Variants in BLTP3A observed in about 807,000 individuals in gnomAD.
The protein encoded by BLTP3A is ICBP90 binding protein 1.
chr6:34,808,346 CAAAAAAAAAA>C, the BLTP3A span, among the ~76,000 whole-genome samples: 2 of 26,720 alleles, frequency 7.5e-5, no homozygotes, highest in Admixed American at 5.4e-4. Flanking sequence ...AACTCCGTCT[CAAAAAAAAAA>C]AAAAAAAAAA....
chr6:34,816,546 G>A, the BLTP3A span, among the ~76,000 whole-genome samples: 32 of 152,296 alleles, frequency 2.1e-4, no homozygotes, highest in Middle Eastern at 3.4e-3. Flanking sequence ...CCAGGAGGTC[G>A]AGGCTGCAGT....
chr6:34,821,827 GGT>G, the BLTP3A span: 1 of 1,614,030 alleles, frequency 6.2e-7, no homozygotes, highest in East Asian at 2.2e-5. Context: ...TGAGAATGAG[GGT>G]CAGAATGCTG....
the BLTP3A span, among the ~76,000 whole-genome samples, chr6:34,853,637 T>C: frequency 9.2e-5 from 14 of 152,190 alleles, no homozygotes; most frequent in African/African-American, 3.1e-4. Context: ...CTCAGCTCAC[T>C]GCAACCTCTG....
chr6:34,857,965 A>G, the BLTP3A span: 1 of 1,592,220 alleles, frequency 6.3e-7, no homozygotes. Context: ...CCACAGCTGC[A>G]TTTTTCCAAT....
the BLTP3A span, among the ~76,000 whole-genome samples, chr6:34,802,292 G>T: frequency 2.0e-5 from 3 of 151,846 alleles, no homozygotes; most frequent in Non-Finnish European, 4.4e-5. Flanking sequence ...TGCAACCTCT[G>T]CCTCCCGGGG....
chr6:34,816,485 C>T, the BLTP3A span, among the ~76,000 whole-genome samples: 1 of 144,156 alleles, frequency 6.9e-6, no homozygotes, highest in South Asian at 2.2e-4. Context: ...GTGACATGCA[C>T]TTGTGGTTCT....
the BLTP3A span, among the ~76,000 whole-genome samples, chr6:34,846,987 A>T: frequency 2.0e-4 from 30 of 152,308 alleles, no homozygotes; most frequent in African/African-American, 7.0e-4. Context: ...GTTGAATTTT[A>T]TCAAGTGCTT....
chr6:34,865,900 C>G, the BLTP3A span, among the ~76,000 whole-genome samples: 3 of 152,208 alleles, frequency 2.0e-5, no homozygotes, highest in Non-Finnish European at 4.4e-5. Context: ...ACACCCATTA[C>G]CTAGCTTTGA....
the BLTP3A span, among the ~76,000 whole-genome samples, chr6:34,809,826 G>A: frequency 1.3e-5 from 2 of 152,132 alleles, no homozygotes; most frequent in Non-Finnish European, 2.9e-5. Flanking sequence ...AAATTGCTGG[G>A]ATTGTAGACA....
chr6:34,792,558 C>T, the BLTP3A span, among the ~76,000 whole-genome samples: 8 of 152,188 alleles, frequency 5.3e-5, no homozygotes, highest in African/African-American at 1.9e-4. Context: ...TCTAACAACC[C>T]CCTGGACTTT....
the BLTP3A span, among the ~76,000 whole-genome samples, chr6:34,848,207 C>T: frequency 6.6e-6 from 1 of 151,138 alleles, no homozygotes; most frequent in Non-Finnish European, 1.5e-5. Flanking sequence ...AGGCTTGAGC[C>T]CGGGAGATAG....
the BLTP3A span, among the ~76,000 whole-genome samples, chr6:34,795,509 T>C: frequency 6.6e-6 from 1 of 151,468 alleles, no homozygotes; most frequent in African/African-American, 2.4e-5. Context: ...GCGATTCTCC[T>C]GTCTTGCCCT....
At chr6:34,865,108 C>T in the BLTP3A span, among the ~76,000 whole-genome samples, 1 of 152,182 alleles carries the variant, frequency 6.6e-6, no homozygotes, top group African/African-American at 2.4e-5. Flanking sequence ...AACTAATTAA[C>T]ATCTCCGTCA....
the BLTP3A span, chr6:34,857,286 T>C: frequency 6.2e-7 from 1 of 1,611,470 alleles, no homozygotes. Context: ...AGGGCTGCTC[T>C]AAGTTTGATT....
At chr6:34,792,146 T>C in the BLTP3A span, 2 of 1,015,654 alleles carry the variant, frequency 2.0e-6, no homozygotes, top group Non-Finnish European at 2.6e-6. Context: ...GGCGGCTGTG[T>C]CCGGTGCTCA....
the BLTP3A span, among the ~76,000 whole-genome samples, chr6:34,835,972 G>A: frequency 7.2e-5 from 11 of 152,146 alleles, no homozygotes; most frequent in Non-Finnish European, 1.6e-4. Context: ...TTATAATTAG[G>A]CTTTTGGAGT....
chr6:34,834,246 A>C, the BLTP3A span: 1 of 1,613,996 alleles, frequency 6.2e-7, no homozygotes, highest in Non-Finnish European at 8.5e-7. Context: ...AAGGTGGTGG[A>C]AGGGATGTTC....
At chr6:34,843,506 ATATTT>A in the BLTP3A span, among the ~76,000 whole-genome samples, 4 of 152,202 alleles carry the variant, frequency 2.6e-5, no homozygotes, top group East Asian at 7.7e-4. Flanking sequence ...GATATATGAG[ATATTT>A]TCATGCAGGC....
the BLTP3A span, chr6:34,875,687 G>A: frequency 6.6e-6 from 1 of 152,046 alleles, no homozygotes; most frequent in Non-Finnish European, 1.5e-5. Flanking sequence ...TGGCAGCTTT[G>A]GCCATTGTGT....
Sources: gnomAD v4.1 joint callset for allele counts (sites outside exome capture counted in the v4.1 genomes callset) on GRCh38, gnomAD v4.1.1 for gene constraint, MANE v1.5 for transcripts, NCBI Gene and HGNC (gene_info 2026-07-23, HGNC 2026-07-21) for gene names.